The following CNOT4 variants were observed in gnomAD, a reference collection of about 807,000 sequenced individuals.
The protein encoded by CNOT4 is CCR4-NOT transcription complex subunit 4.
CNOT4 carries 8 observed loss-of-function variants against 73.8 expected under a neutral mutation model. That is an observed-to-expected ratio of 0.11 (90% CI 0.06 to 0.20). The LOEUF (loss-of-function observed/expected upper bound fraction) is 0.20, where lower values mean the gene tolerates loss of function less well. CNOT4 is among the 10% of genes least tolerant of loss of function. The pLI, the probability that CNOT4 is intolerant of heterozygous loss-of-function variation, is 1.00. For synonymous variants in CNOT4, 293 were observed against 321.1 expected, an observed-to-expected ratio of 0.91 and a Z score of 0.94; for missense variants, 564 against 883.4, an observed-to-expected ratio of 0.64 and a Z score of 4.58.
At chr7:135,377,729 A>G (rs1795598298) in intron 10 of CNOT4, among the ~76,000 whole-genome samples, 1 of 152,198 alleles carries the variant, frequency 6.6e-6, no homozygotes, top group South Asian at 2.1e-4. Context: ...TTTAAAAATC[A>G]TTTAAAATAT....
intron 10 of CNOT4, chr7:135,384,150 T>C (rs1236031928): frequency 6.6e-6 from 1 of 152,528 alleles, no homozygotes; most frequent in Admixed American, 6.5e-5. Context: ...TTCCACTCTT[T>C]CACCCCCATT....
intron 2 of CNOT4, among the ~76,000 whole-genome samples, chr7:135,422,862 C>T (rs1340169161): frequency 6.6e-6 from 1 of 152,114 alleles, no homozygotes; most frequent in African/African-American, 2.4e-5. Context: ...CTAGCAATCA[C>T]ACTGTTGTGT....
At chr7:135,472,949 G>A (rs1437137220) in intron 1 of CNOT4, among the ~76,000 whole-genome samples, 2 of 151,824 alleles carry the variant, frequency 1.3e-5, no homozygotes, top group East Asian at 3.9e-4. Flanking sequence ...GGTGAGGTGG[G>A]AGGATTGCCT....
intron 10 of CNOT4, among the ~76,000 whole-genome samples, chr7:135,366,407 TAA>T (rs35226992): frequency 6.6e-6 from 1 of 151,922 alleles, no homozygotes; most frequent in Non-Finnish European, 1.5e-5. Flanking sequence ...AAAACTACTC[TAA>T]AAAAAAGTTT....
At chr7:135,396,261 G>A (rs867645241) in intron 8 of CNOT4, among the ~76,000 whole-genome samples, 39 of 151,748 alleles carry the variant, frequency 2.6e-4, no homozygotes, top group Admixed American at 1.8e-3. Context: ...GGGACTACAG[G>A]CGCGTGCCAC....
intron 10 of CNOT4, among the ~76,000 whole-genome samples, chr7:135,375,890 A>C (rs908386460): frequency 1.3e-5 from 2 of 152,170 alleles, no homozygotes; most frequent in Admixed American, 1.3e-4. Context: ...GTGCCATTGC[A>C]CTCCAACCCA....
intron 1 of CNOT4, among the ~76,000 whole-genome samples, chr7:135,453,826 T>TTTTA (rs1275359797): frequency 1.1e-5 from 1 of 89,902 alleles, no homozygotes; most frequent in African/African-American, 3.9e-5. Context: ...TATATATATT[T>TTTTA]TATATATATA....
At chr7:135,468,981 C>T (rs780007593) in intron 1 of CNOT4, among the ~76,000 whole-genome samples, 8 of 152,038 alleles carry the variant, frequency 5.3e-5, no homozygotes, top group Non-Finnish European at 1.2e-4. Flanking sequence ...CATGTGAAGA[C>T]CACAGAAGGT....
chr7:135,399,455 T>C (rs889777036), intron 7 of CNOT4, among the ~76,000 whole-genome samples: 5 of 152,094 alleles, frequency 3.3e-5, no homozygotes, highest in East Asian at 1.9e-4. Flanking sequence ...TCTAATTATA[T>C]AGAACCACCA....
intron 1 of CNOT4, among the ~76,000 whole-genome samples, chr7:135,461,953 A>T (rs1412359655): frequency 1.3e-5 from 2 of 152,172 alleles, no homozygotes; most frequent in Admixed American, 6.5e-5. Flanking sequence ...TAACCACTTC[A>T]GCAAACTCTT....
Position 135,433,350 on chromosome 7 carries a change from CTT to C in CNOT4, c.174+4806_174+4807del, listed in dbSNP as rs954189759. Among the ~76,000 whole-genome samples, 248 of 114,422 alleles carry C rather than the reference CTT, an allele frequency of 2.2e-3. 3 individuals are homozygous for C. The East Asian group carries it at 0.048, about 22-fold the overall frequency. 75.1% of individuals were successfully genotyped at this position (114,422 alleles called of 152,430 possible). On this transcript the variant is annotated intron_variant, in intron 2 of 11. Transcript: ENST00000541284. ...ATATTCTTCTTTATATCATCCTGTTCTTTTTTTTTTTTTTTTTTTTTCTTGAG... is the reference window on the plus strand; with the variant it reads ...ATATTCTTCTTTATATCATCCTGTTCTTTTTTTTTTTTTTTTTTTCTTGAG...
chr7:135,488,343 C>G (rs964110699), intron 1 of CNOT4, among the ~76,000 whole-genome samples: 1 of 152,124 alleles, frequency 6.6e-6, no homozygotes, highest in African/African-American at 2.4e-5. Context: ...GCAAGACAAT[C>G]GTACCACTAC....
chr7:135,379,300 C>T lies in CNOT4; in HGVS notation c.1627+14618G>A, dbSNP rs1010034867. On this transcript the variant is annotated intron_variant, in intron 10 of 11. Transcript: ENST00000541284. ...AAATCCTTATTTTAATAATATGCTT[C>T]GTTTCAATTAAATAGCCATCTACCA... Among the ~76,000 whole-genome samples, 5 of 151,928 alleles carry T rather than the reference C, an allele frequency of 3.3e-5. No individual in the cohort carries two copies. In the East Asian group the frequency reaches 5.8e-4, roughly 18 times the overall value.
intron 7 of CNOT4, among the ~76,000 whole-genome samples, chr7:135,400,947 A>G (rs1051799481): frequency 6.6e-6 from 1 of 152,210 alleles, no homozygotes; most frequent in African/African-American, 2.4e-5. Context: ...TATGTGGACT[A>G]TAACAAGTCA....
At chr7:135,503,954 G>A (rs575986997) in intron 1 of CNOT4, among the ~76,000 whole-genome samples, 2 of 152,040 alleles carry the variant, frequency 1.3e-5, no homozygotes, top group Non-Finnish European at 2.9e-5. Context: ...AAAATAAAGG[G>A]GAAAAAAGGA....
chr7:135,445,466 A>G (rs1218287471), intron 1 of CNOT4, among the ~76,000 whole-genome samples: 2 of 152,196 alleles, frequency 1.3e-5, no homozygotes, highest in Non-Finnish European at 2.9e-5. Flanking sequence ...GATATCTCAC[A>G]TTATAAATTT....
intron 2 of CNOT4, among the ~76,000 whole-genome samples, chr7:135,437,660 G>GT (rs1356775642): frequency 6.6e-6 from 1 of 152,144 alleles, no homozygotes; most frequent in Non-Finnish European, 1.5e-5. Flanking sequence ...TAAAATTGCT[G>GT]TAAGGGCTCA....
In CNOT4 at chr7:135,388,510, T is replaced by A. The variant is rs1796237159; in HGVS notation, c.1627+5408A>T. ...CCAAAATAACAACAATTCTAGCTAA[T>A]CTCACCTGGGATCTTAGTACTACAA... On this transcript the variant is annotated intron_variant, in intron 10 of 11. Coordinates refer to ENST00000541284, the MANE Select transcript of CNOT4 (RefSeq NM_001190850.2). 4 of 1,024,662 alleles carry A rather than the reference T, an allele frequency of 3.9e-6. No individual in the cohort carries two copies. In the African/African-American group the frequency reaches 6.8e-5, roughly 17 times the overall value. The allele number at this position is 1,024,662 out of a possible 1,614,324, so 63.5% of individuals were successfully genotyped here.
intron 1 of CNOT4, among the ~76,000 whole-genome samples, chr7:135,485,041 G>C (rs900357007): frequency 2.6e-5 from 4 of 152,074 alleles, no homozygotes; most frequent in African/African-American, 9.7e-5. Flanking sequence ...ATAGTATAAT[G>C]CAATTCCTAG....
Sources: allele counts gnomAD v4.1 joint callset (sites outside exome capture counted in the v4.1 genomes callset), GRCh38; gene constraint gnomAD v4.1.1; transcripts MANE v1.5; gene names NCBI Gene and HGNC (gene_info 2026-07-23, HGNC 2026-07-21).